The following TEX51 variants were observed in gnomAD, a reference collection of about 807,000 sequenced individuals.
The protein encoded by TEX51 is testis-expressed protein 51.
In TEX51, 14 loss-of-function variants were observed where a neutral mutation model predicts 8.0. The observed-to-expected ratio is 1.76, with a 90% CI of 1.16 to 2.75. The LOEUF is 2.75. Among genes scored for constraint, TEX51 ranks in the 30% most tolerant of loss-of-function variants. The probability of loss-of-function intolerance (pLI) is 0.00; values close to 1 mark genes in which losing one functional copy is unlikely to be tolerated. For synonymous variants in TEX51, 58 were observed against 28.6 expected (o/e 2.03, Z -3.29); for missense variants, 142 against 77.4 (o/e 1.83, Z -3.13).
At chr2:126,901,467 C>CTGGG in intron 6 of TEX51, 63 bp downstream of exon 6, 1 of 699,078 alleles carries the variant, frequency 1.4e-6, no homozygotes, top group Non-Finnish European at 2.6e-6. Context: ...TGGGTGTGCC[C>CTGGG]TGGGAGTCTC....
At position 126,901,965 on chromosome 2, in the gene TEX51, T is replaced by TC; in HGVS notation, c.*102dup. ...TCATCTCTGGGTCCCGGTGACCCCA[T>TC]CCCCCCATACCCTCCATCCTGGGTC... On this transcript the variant is annotated 3_prime_UTR_variant, in exon 7 of 7. Coordinates refer to ENST00000568484, the MANE Select transcript of TEX51 (RefSeq NM_001322244.2). 2 of 658,080 alleles carry TC rather than the reference T, an allele frequency of 3.0e-6. No individual in the cohort carries two copies. The highest frequency in any genetic ancestry group is 1.8e-5 in the African/African-American group (1 of 54,870). The allele number at this position is 658,080 out of a possible 1,614,324, so 40.8% of individuals were successfully genotyped here.
chr2:126,899,595 A>G lies in TEX51; in HGVS notation c.293A>G (p.Asp98Gly). 1 of 702,046 alleles carries G rather than the reference A, an allele frequency of 1.4e-6. No individual in the cohort carries two copies. The highest frequency in any genetic ancestry group is 2.6e-6 in the Non-Finnish European group (1 of 384,732). The allele number at this position is 702,046 out of a possible 1,614,324, so 43.5% of individuals were successfully genotyped here. A position where few individuals can be genotyped will look rare whatever the true frequency, so the allele number is the denominator to read the frequency against. Residue 98 changes from aspartate (D) to glycine (G), a missense_variant, in exon 3 of 7, where the codon GAT (aspartate) becomes GGT (glycine). Coordinates refer to ENST00000568484, the MANE Select transcript of TEX51 (RefSeq NM_001322244.2). ...LFTERLNKIS[D>G]GLKEKDIQST... ...ACTGAGAGGCTGAATAAGATATCTG[A>G]TGGGCTGAAGGAGAAGGGTAAGGGG...
chr2:126,900,714 C>T (rs1293255002), intron 4 of TEX51, among the ~76,000 whole-genome samples: 1 of 152,198 alleles, frequency 6.6e-6, no homozygotes, highest in Non-Finnish European at 1.5e-5. Flanking sequence ...TCTCAACGAG[C>T]AAGTCTACCC....
At chr2:126,901,650 C>T (rs1446517690) in intron 6 of TEX51, 1 of 597,228 alleles carries the variant, frequency 1.7e-6, no homozygotes, top group Non-Finnish European at 3.0e-6. Context: ...ATCCTCACTA[C>T]AGAGTGCTCT....
intron 1 of TEX51, 53 bp downstream of exon 1, chr2:126,899,116 T>C (rs1680178241): frequency 1.4e-6 from 1 of 701,120 alleles, no homozygotes; most frequent in Non-Finnish European, 2.6e-6. Context: ...CCTGGTACCT[T>C]GGTGAGGCAC....
intron 2 of TEX51, 41 bp downstream of exon 2, chr2:126,899,332 G>T: frequency 2.8e-6 from 2 of 701,930 alleles, no homozygotes; most frequent in South Asian, 3.0e-5. Context: ...GGCTTGGGTT[G>T]ACAAAGGCCC....
intron 2 of TEX51, 82 bp from the exon 3 acceptor site, chr2:126,899,441 T>G: frequency 1.5e-6 from 1 of 678,450 alleles, no homozygotes; most frequent in Non-Finnish European, 2.7e-6. Flanking sequence ...TCTTTGGAAC[T>G]TCCATGTAGA....
At chr2:126,901,333 C>T in intron 5 of TEX51, 32 bp from the exon 6 acceptor site, 1 of 702,268 alleles carries the variant, frequency 1.4e-6, no homozygotes, top group Non-Finnish European at 2.6e-6. Context: ...ACACCTATTC[C>T]CTGACTGACT....
chr2:126,902,095 C>T lies in TEX51; in HGVS notation c.*226C>T. On this transcript the variant is annotated 3_prime_UTR_variant, in exon 7 of 7. Coordinates refer to ENST00000568484, the MANE Select transcript of TEX51 (RefSeq NM_001322244.2). Reference sequence around the variant, plus strand: ...CTTCATTAAAACCCCTCTTCATAGCCTAGTTGACTGTGCTATCTGTCTCCT... The same window carrying T: ...CTTCATTAAAACCCCTCTTCATAGCTTAGTTGACTGTGCTATCTGTCTCCT... 4.5e-6 allele frequency: 2 copies of T among 443,032 alleles called. No homozygotes were observed. Among genetic ancestry groups the T allele is most frequent in the Non-Finnish European group, 7.9e-6 (2 of 251,644 alleles). The allele number at this position is 443,032 out of a possible 1,614,324, so 27.4% of individuals were successfully genotyped here. A position where few individuals can be genotyped will look rare whatever the true frequency, so the allele number is the denominator to read the frequency against.
chr2:126,901,281 G>A lies in TEX51; in HGVS notation c.463+3G>A, dbSNP rs1378985679. The A allele has an allele frequency of 1.3e-5, 9 of 699,596 alleles. No individual in the cohort carries two copies. The highest frequency in any genetic ancestry group is 6.0e-5 in the South Asian group (4 of 67,218). 43.3% of individuals were successfully genotyped at this position (699,596 alleles called of 1,614,324 possible). A position where few individuals can be genotyped will look rare whatever the true frequency, so the allele number is the denominator to read the frequency against. ...TCTACTCCTGGCCATAGCTGGAGGT[G>A]GGTGAGTGACCTCTCCAAGCCCCAG... On this transcript the variant is annotated splice_donor_region_variant and intron_variant, in intron 5 of 6. Coordinates refer to ENST00000568484, the MANE Select transcript of TEX51 (RefSeq NM_001322244.2).
At chr2:126,899,147 G>A (rs1004097849) in intron 1 of TEX51, 70 bp from the exon 2 acceptor site, 3 of 702,082 alleles carry the variant, frequency 4.3e-6, no homozygotes, top group Non-Finnish European at 7.8e-6. Flanking sequence ...TCAGGGATTG[G>A]ATGTGGCCTC....
At position 126,899,291 on chromosome 2, in the gene TEX51, G is replaced by A. The variant is rs1680191284; in HGVS notation, c.220G>A (p.Asp74Asn). ...VHQAIKTLRD[D>N]KTVLLEEIYT... is the part of the protein sequence containing the mutation. ...CCAAGCCATTAAAACGTTACGAGAT[G>A]GTGAGGAAGCCAAGAGCCCCAGGGC... The change falls in exon 2 of 7, where the codon GAT becomes AAT. Residue 74 changes from aspartate to asparagine, a missense_variant and splice_region_variant. Coordinates refer to ENST00000568484, the MANE Select transcript of TEX51 (RefSeq NM_001322244.2). 1.4e-6 allele frequency: 1 copy of A among 702,216 alleles called. No individual in the cohort carries two copies. The highest frequency in any genetic ancestry group is 2.0e-5 in the Admixed American group (1 of 49,994). 43.5% of individuals were successfully genotyped at this position (702,216 alleles called of 1,614,324 possible). A position where few individuals can be genotyped will look rare whatever the true frequency, so the allele number is the denominator to read the frequency against.
In TEX51 at chr2:126,901,947, TG is replaced by T. The variant is rs1311363798; in HGVS notation, c.*81del. The T allele has an allele frequency of 3.0e-6, 2 of 669,664 alleles. No homozygotes were observed. Among genetic ancestry groups the T allele is most frequent in the Admixed American group, 4.3e-5 (2 of 46,190 alleles). The allele number at this position is 669,664 out of a possible 1,614,324, so 41.5% of individuals were successfully genotyped here. The stretch of plus-strand genomic sequence containing the variant: ...CACCGTCACAAAGTTCACTCATCTC[TG>T]GGTCCCGGTGACCCCATCCCCCCAT... On this transcript the variant is annotated 3_prime_UTR_variant, in exon 7 of 7. Coordinates refer to ENST00000568484, the MANE Select transcript of TEX51 (RefSeq NM_001322244.2).
At position 126,901,994 on chromosome 2, in the gene TEX51, G is replaced by A; in HGVS notation, c.*125G>A. The A allele has an allele frequency of 1.7e-6, 1 of 581,438 alleles. No individual in the cohort carries two copies. Among genetic ancestry groups the A allele is most frequent in the Non-Finnish European group, 3.1e-6 (1 of 326,094 alleles). The allele number at this position is 581,438 out of a possible 1,614,324, so 36.0% of individuals were successfully genotyped here. ...CCCATACCCTCCATCCTGGGTCCTG[G>A]GGCCCCAAAGCTCTGAGGCCTAGGA... On this transcript the variant is annotated 3_prime_UTR_variant, in exon 7 of 7. Coordinates refer to ENST00000568484, the MANE Select transcript of TEX51 (RefSeq NM_001322244.2).
intron 6 of TEX51, 129 bp from the exon 7 acceptor site, chr2:126,901,743 C>A: frequency 1.8e-6 from 1 of 570,016 alleles, no homozygotes; most frequent in Admixed American, 3.3e-5. Context: ...ATTAGCATGG[C>A]TGCCTTGCCC....
chr2:126,900,142 G>A, intron 4 of TEX51, 123 bp downstream of exon 4: 2 of 661,206 alleles, frequency 3.0e-6, no homozygotes, highest in Non-Finnish European at 5.5e-6. Flanking sequence ...CTCACCCTGG[G>A]TGAAGGCAGC....
rs1451605823 is a variant in TEX51, at chr2:126,899,289, A to G, written c.218A>G (p.Asp73Gly). 1.4e-6 allele frequency: 1 copy of G among 701,964 alleles called. No homozygotes were observed. Among genetic ancestry groups the G allele is most frequent in the Non-Finnish European group, 2.6e-6 (1 of 384,772 alleles). The allele number at this position is 701,964 out of a possible 1,614,324, so 43.5% of individuals were successfully genotyped here. Residue 73 changes from aspartate to glycine, a missense_variant and splice_region_variant, in exon 2 of 7, where the codon GAT becomes GGT. Transcript: ENST00000568484. ...CACCAAGCCATTAAAACGTTACGAG[A>G]TGGTGAGGAAGCCAAGAGCCCCAGG... ...QVHQAIKTLR[D>G]DKTVLLEEIY... is the part of the protein sequence containing the mutation.
At chr2:126,900,919 G>A (rs1680296793) in intron 4 of TEX51, among the ~76,000 whole-genome samples, 1 of 152,160 alleles carries the variant, frequency 6.6e-6, no homozygotes, top group Admixed American at 6.5e-5. Context: ...TCCAAGTCCA[G>A]CTCAGACTCC....
intron 3 of TEX51, 154 bp downstream of exon 3, chr2:126,899,766 C>T (rs1353174380): frequency 1.4e-6 from 1 of 701,962 alleles, no homozygotes; most frequent in Non-Finnish European, 2.6e-6. Flanking sequence ...CTACTTGCAC[C>T]CCAGAACCCC....
Sources: allele counts gnomAD v4.1 joint callset (sites outside exome capture counted in the v4.1 genomes callset), GRCh38; gene constraint gnomAD v4.1.1; transcripts MANE v1.5; gene names NCBI Gene and HGNC (gene_info 2026-07-23, HGNC 2026-07-21).